Variants in RORA observed in about 807,000 individuals in gnomAD.
RORA encodes RAR related orphan receptor A.
A neutral mutation model predicts 69.5 loss-of-function variants in RORA; 7 were observed. The ratio of observed to expected loss-of-function variants is 0.10; its 90% CI spans 0.06 to 0.19. The LOEUF (loss-of-function observed/expected upper bound fraction) is 0.19, where lower values mean the gene tolerates loss of function less well. RORA is among the 10% of genes least tolerant of loss of function. The probability of loss-of-function intolerance (pLI) is 1.00; values close to 1 mark genes in which losing one functional copy is unlikely to be tolerated. For synonymous variants in RORA, 261 were observed against 240.8 expected (o/e 1.08, Z -0.78); for missense variants, 457 against 663.0 (o/e 0.69, Z 3.41).
intron 1 of RORA, among the ~76,000 whole-genome samples, chr15:60,740,481 A>G (rs2071561442): frequency 6.6e-6 from 1 of 152,228 alleles, no homozygotes; most frequent in South Asian, 2.1e-4. Flanking sequence ...ACCAAGGACA[A>G]TGCCAGTGAG....
rs149210844 is a variant in RORA, at chr15:61,212,183, T to A, written c.166+16870A>T. ...CTCCCACCCTTAAGGTTCTGCCAAG[T>A]GTGGGGCAGATTGCCTTTAGAGACA... On this transcript the variant is annotated intron_variant, in intron 1 of 10. Transcript: ENST00000335670. Among the ~76,000 whole-genome samples the A allele has an allele frequency of 2.7e-3, 415 of 152,016 alleles. 2 individuals are homozygous for A. The highest frequency in any genetic ancestry group is 9.7e-3 in the African/African-American group (402 of 41,438).
intron 5 of RORA, among the ~76,000 whole-genome samples, chr15:60,506,132 A>G (rs1262675616): frequency 6.6e-6 from 1 of 152,210 alleles, no homozygotes; most frequent in Non-Finnish European, 1.5e-5. Context: ...CCATGTGGCT[A>G]TGCATAGTGT....
chr15:61,076,060 G>C (rs117611733), intron 1 of RORA, among the ~76,000 whole-genome samples: 1 of 152,282 alleles, frequency 6.6e-6, no homozygotes, highest in East Asian at 1.9e-4. Flanking sequence ...TCTACCCTAG[G>C]TCATCTCTCT....
intron 1 of RORA, among the ~76,000 whole-genome samples, chr15:61,102,987 A>G (rs1201397389): frequency 1.3e-5 from 2 of 152,222 alleles, no homozygotes; most frequent in East Asian, 3.8e-4. Context: ...GAGGTTAAAG[A>G]TAGACAAAAA....
chr15:60,572,218 A>C (rs938698948), intron 2 of RORA, among the ~76,000 whole-genome samples: 1 of 152,228 alleles, frequency 6.6e-6, no homozygotes, highest in Non-Finnish European at 1.5e-5. Context: ...TTTAATGTGG[A>C]TTCATCTGTT....
chr15:60,633,047 C>A (rs748190368), intron 2 of RORA, among the ~76,000 whole-genome samples: 1 of 152,218 alleles, frequency 6.6e-6, no homozygotes, highest in African/African-American at 2.4e-5. Flanking sequence ...GAAGGACACT[C>A]TCTTCTTTAT....
At chr15:60,609,238 T>C (rs965803688) in intron 2 of RORA, among the ~76,000 whole-genome samples, 6 of 152,236 alleles carry the variant, frequency 3.9e-5, no homozygotes, top group Non-Finnish European at 8.8e-5. Flanking sequence ...CACAGACCTT[T>C]GCTCTTAACA....
intron 1 of RORA, among the ~76,000 whole-genome samples, chr15:60,912,258 A>G (rs912054425): frequency 1.3e-5 from 2 of 152,092 alleles, no homozygotes; most frequent in African/African-American, 4.8e-5. Flanking sequence ...AAAAAAAGAA[A>G]GAAAGAGAAA....
chr15:60,786,422 G>A (rs1417685585), intron 1 of RORA, among the ~76,000 whole-genome samples: 3 of 152,172 alleles, frequency 2.0e-5, no homozygotes, highest in South Asian at 2.1e-4. Context: ...CTTGAGCCTC[G>A]CTAGAGAAAC....
At chr15:61,058,182 G>A (rs529093395) in intron 1 of RORA, among the ~76,000 whole-genome samples, 2 of 152,278 alleles carry the variant, frequency 1.3e-5, no homozygotes, top group South Asian at 4.1e-4. Flanking sequence ...GCAAGGTGTT[G>A]TGAGATTGTG....
chr15:60,618,487 G>A (rs1342214789), intron 2 of RORA, among the ~76,000 whole-genome samples: 1 of 152,076 alleles, frequency 6.6e-6, no homozygotes, highest in Non-Finnish European at 1.5e-5. Context: ...TTGGATGACT[G>A]GATTAAAATA....
intron 1 of RORA, among the ~76,000 whole-genome samples, chr15:60,751,629 G>A (rs370924660): frequency 2.7e-4 from 41 of 152,172 alleles, no homozygotes; most frequent in African/African-American, 9.4e-4. Flanking sequence ...CCCAAATTCT[G>A]ACTGCAGACT....
intron 1 of RORA, among the ~76,000 whole-genome samples, chr15:61,203,715 G>C (rs774537761): frequency 1.3e-5 from 2 of 152,182 alleles, no homozygotes; most frequent in Admixed American, 6.5e-5. Context: ...CACAAGTCTT[G>C]AGCAGAATAA....
chr15:60,568,569 G>C (rs912926944), intron 2 of RORA, among the ~76,000 whole-genome samples: 1 of 152,140 alleles, frequency 6.6e-6, no homozygotes, highest in African/African-American at 2.4e-5. Context: ...AAGTCTAGTC[G>C]AGATCTCACT....
chr15:61,210,035 A>G (rs2079976754), intron 1 of RORA, among the ~76,000 whole-genome samples: 1 of 152,194 alleles, frequency 6.6e-6, no homozygotes, highest in African/African-American at 2.4e-5. Context: ...CTGTCTCGAA[A>G]CTGCTTCACT....
intron 1 of RORA, among the ~76,000 whole-genome samples, chr15:60,694,232 G>A (rs1341103398): frequency 2.0e-5 from 3 of 152,154 alleles, no homozygotes; most frequent in East Asian, 1.9e-4. Context: ...AGGCAGAGCT[G>A]GGCCAGAGCT....
At chr15:60,585,238 C>A (rs2068299618) in intron 2 of RORA, among the ~76,000 whole-genome samples, 1 of 152,194 alleles carries the variant, frequency 6.6e-6, no homozygotes, top group Admixed American at 6.5e-5. Flanking sequence ...ACCATTGTTT[C>A]ACACTTGTTA....
At chr15:60,587,526 G>T (rs2068370134) in intron 2 of RORA, among the ~76,000 whole-genome samples, 1 of 152,144 alleles carries the variant, frequency 6.6e-6, no homozygotes, top group Admixed American at 6.5e-5. Flanking sequence ...CGCAACCTCT[G>T]TGAGCCTCAG....
At chr15:61,055,887 T>C (rs1051987825) in intron 1 of RORA, among the ~76,000 whole-genome samples, 13 of 152,244 alleles carry the variant, frequency 8.5e-5, no homozygotes, top group Non-Finnish European at 2.9e-5. Context: ...AAATGTCTCT[T>C]GACAGGTAAT....
Sources: allele counts gnomAD v4.1 joint callset (sites outside exome capture counted in the v4.1 genomes callset), GRCh38; gene constraint gnomAD v4.1.1; transcripts MANE v1.5; gene names NCBI Gene and HGNC (gene_info 2026-07-23, HGNC 2026-07-21).